The following HADHB variants were observed in gnomAD, a reference collection of about 807,000 sequenced individuals.
The protein encoded by HADHB is hydroxyacyl-CoA dehydrogenase trifunctional multienzyme complex subunit beta.
Under a neutral mutation model 61.9 loss-of-function variants are expected in HADHB, and 50 were observed. The observed-to-expected ratio is 0.81, with a 90% CI of 0.64 to 1.02. The LOEUF is 1.02. Among genes scored for constraint, HADHB ranks in the 50% least tolerant of loss-of-function variants. The probability of loss-of-function intolerance (pLI) is 0.00; values close to 1 mark genes in which losing one functional copy is unlikely to be tolerated. For synonymous variants in HADHB, 191 were observed against 201.6 expected (o/e 0.95, Z 0.45); for missense variants, 504 against 586.5 (o/e 0.86, Z 1.45).
At chr2:26,246,595 C>A (rs541076630) in intron 1 of HADHB, among the ~76,000 whole-genome samples, 4 of 152,168 alleles carry the variant, frequency 2.6e-5, no homozygotes, top group African/African-American at 9.6e-5. Context: ...CCCACCTCTG[C>A]CCCCCAAAGT....
intron 4 of HADHB, among the ~76,000 whole-genome samples, chr2:26,264,366 T>A (rs1051403233): frequency 1.3e-5 from 2 of 151,544 alleles, no homozygotes; most frequent in African/African-American, 4.8e-5. Context: ...CTGGGTAACA[T>A]AGCAAGACCT....
chr2:26,278,567 T>G, intron 7 of HADHB, 47 bp from the exon 8 acceptor site: 1 of 1,470,110 alleles, frequency 6.8e-7, no homozygotes, highest in Non-Finnish European at 9.5e-7. Flanking sequence ...GAATGGTATG[T>G]TATTTTCTGT....
At position 26,249,094 on chromosome 2, in the gene HADHB, G is replaced by C. The variant is rs181439822; in HGVS notation, c.-9+4104G>C. Among the ~76,000 whole-genome samples the C allele has an allele frequency of 2.3e-3, 348 of 151,982 alleles. 1 individual carries two copies. The highest frequency in any genetic ancestry group is 0.014 in the Middle Eastern group (4 of 294). On this transcript the variant is annotated intron_variant, in intron 1 of 15. Transcript: ENST00000317799. ...GAAAATCACAACTTTTTGTTAGTGA[G>C]GTTGAACATTATACATTTTGTTTAT...
At chr2:26,258,931 G>A (rs1011482051) in intron 3 of HADHB, among the ~76,000 whole-genome samples, 33 of 152,246 alleles carry the variant, frequency 2.2e-4, no homozygotes, top group African/African-American at 7.9e-4. Flanking sequence ...TTTAAAGGTG[G>A]GTGCAGTCAC....
chr2:26,286,865 G>A (rs1030645057), intron 15 of HADHB, among the ~76,000 whole-genome samples: 13 of 144,582 alleles, frequency 9.0e-5, no homozygotes, highest in Middle Eastern at 7.2e-3. Flanking sequence ...TCTTCCTCTA[G>A]ATTACAGAAA....
In HADHB at chr2:26,279,185, A is replaced by G. The variant is rs773955988; in HGVS notation, c.681A>G (p.Ala227=). 1 of 1,613,814 alleles carries G rather than the reference A, an allele frequency of 6.2e-7. No individual in the cohort carries two copies. Among genetic ancestry groups the G allele is most frequent in the East Asian group, 2.2e-5 (1 of 44,878 alleles). ...FSTSETMGHS[A]DRLAAAFAVS... is the part of the protein sequence containing the mutation. ...CCAGTGAGACCATGGGCCACTCTGC[A>G]GACCGACTGGCCGCTGCCTTTGCTG... Residue 227 remains alanine, a synonymous_variant, in exon 9 of 16, where the codon GCA becomes GCG. Coordinates refer to ENST00000317799, the MANE Select transcript of HADHB (RefSeq NM_000183.3).
At position 26,290,071 on chromosome 2, in the gene HADHB, G is replaced by C; in HGVS notation, c.*118G>C. ...AGCTCCTCTTAGGAAAACAGTTCTT[G>C]TGGCCTTCTATTAAATAGTTTGCAC... On this transcript the variant is annotated 3_prime_UTR_variant, in exon 16 of 16. Transcript: ENST00000317799. The C allele has an allele frequency of 1.2e-6, 1 of 802,210 alleles. No individual in the cohort carries two copies. The highest frequency in any genetic ancestry group is 2.2e-6 in the Non-Finnish European group (1 of 447,564). The allele number at this position is 802,210 out of a possible 1,614,324, so 49.7% of individuals were successfully genotyped here.
chr2:26,262,985 C>G (rs564433178), intron 3 of HADHB, among the ~76,000 whole-genome samples: 2 of 152,026 alleles, frequency 1.3e-5, no homozygotes, highest in East Asian at 3.9e-4. Flanking sequence ...TGTAATAATT[C>G]TTAGAATGAC....
At chr2:26,258,990 T>A (rs1053110753) in intron 3 of HADHB, among the ~76,000 whole-genome samples, 2 of 152,198 alleles carry the variant, frequency 1.3e-5, no homozygotes, top group Non-Finnish European at 2.9e-5. Context: ...GAAATCCAGC[T>A]AGTCCTGCCT....
Position 26,262,007 on chromosome 2 carries a change from A to G in HADHB, c.110-1373A>G, listed in dbSNP as rs972939290. Among the ~76,000 whole-genome samples the G allele has an allele frequency of 2.0e-5, 3 of 152,122 alleles. No homozygotes were observed. The East Asian group carries it at 5.8e-4, about 29-fold the overall frequency. On this transcript the variant is annotated intron_variant, in intron 3 of 15. Coordinates refer to ENST00000317799, the MANE Select transcript of HADHB (RefSeq NM_000183.3). Reference sequence around the variant, plus strand: ...TGTGCCACATGCTTGGGTTTGCCACAGTCTCTTTGCTTACCTCCTTGTTGC... The same window carrying G: ...TGTGCCACATGCTTGGGTTTGCCACGGTCTCTTTGCTTACCTCCTTGTTGC...
intron 9 of HADHB, among the ~76,000 whole-genome samples, chr2:26,279,678 T>G (rs1257466383): frequency 6.6e-6 from 1 of 151,922 alleles, no homozygotes; most frequent in Non-Finnish European, 1.5e-5. Context: ...TGCTGATATA[T>G]TTTAGTTCTT....
chr2:26,263,337 A>T, intron 3 of HADHB, 43 bp from the exon 4 acceptor site: 1 of 1,115,344 alleles, frequency 9.0e-7, no homozygotes, highest in Non-Finnish European at 1.4e-6. Flanking sequence ...CAGACTTTAT[A>T]TATTTTAATT....
chr2:26,249,993 T>G (rs1671337918), intron 1 of HADHB, among the ~76,000 whole-genome samples: 1 of 151,972 alleles, frequency 6.6e-6, no homozygotes, highest in Admixed American at 6.6e-5. Flanking sequence ...CATGATAGAT[T>G]GTTTCTGTTT....
At chr2:26,258,994 C>T (rs1671753519) in intron 3 of HADHB, among the ~76,000 whole-genome samples, 1 of 152,188 alleles carries the variant, frequency 6.6e-6, no homozygotes, top group African/African-American at 2.4e-5. Flanking sequence ...TCCAGCTAGT[C>T]CTGCCTCTCA....
chr2:26,253,202 A>G (rs1466757481), intron 1 of HADHB, among the ~76,000 whole-genome samples: 1 of 152,072 alleles, frequency 6.6e-6, no homozygotes, highest in African/African-American at 2.4e-5. Context: ...GGGGTGGGGG[A>G]AAGTTGTTAA....
chr2:26,285,441 G>A lies in HADHB; in HGVS notation c.1259G>A (p.Trp420Ter). 1 of 1,613,720 alleles carries A rather than the reference G, an allele frequency of 6.2e-7. No homozygotes were observed. ...GLPPLEKFNN[W>*]GGSLSLGHPF... ...CCTCCTTTGGAGAAGTTTAATAACTGGGGTGGATCTCTGTCCCTGGGACAC... is the reference window on the plus strand; with the variant it reads ...CCTCCTTTGGAGAAGTTTAATAACTAGGGTGGATCTCTGTCCCTGGGACAC... Residue 420 changes from tryptophan (W) to a stop codon, truncating the protein, a stop_gained, in exon 15 of 16, where the codon TGG (tryptophan) becomes TAG (stop). Coordinates refer to ENST00000317799, the MANE Select transcript of HADHB (RefSeq NM_000183.3). LOFTEE classifies it high-confidence loss of function.
At chr2:26,263,553 C>A in intron 4 of HADHB, 74 bp downstream of exon 4, 3 of 904,984 alleles carry the variant, frequency 3.3e-6, no homozygotes, top group Non-Finnish European at 5.6e-6. Flanking sequence ...GTAAATGTAA[C>A]CCAGTAGGTA....
chr2:26,257,129 C>CT (rs940926662), intron 3 of HADHB, among the ~76,000 whole-genome samples: 23 of 98,822 alleles, frequency 2.3e-4, no homozygotes, highest in Non-Finnish European at 3.8e-4. Flanking sequence ...TTTTTTTTTT[C>CT]TTTTTTTTTG....
chr2:26,248,084 TGTA>T (rs1236739500), intron 1 of HADHB, among the ~76,000 whole-genome samples: 1 of 152,224 alleles, frequency 6.6e-6, no homozygotes, highest in Non-Finnish European at 1.5e-5. Context: ...AAATGGTTGT[TGTA>T]GTAGGGTTTA....
Sources: gnomAD v4.1 joint callset for allele counts (sites outside exome capture counted in the v4.1 genomes callset) on GRCh38, gnomAD v4.1.1 for gene constraint, MANE v1.5 for transcripts, NCBI Gene and HGNC (gene_info 2026-07-23, HGNC 2026-07-21) for gene names.